EPB41L4A: variants seen among roughly 807,000 people sequenced by gnomAD.
EPB41L4A encodes band 4.1-like protein 4A.
A neutral mutation model predicts 108.6 loss-of-function variants in EPB41L4A; 100 were observed. The observed-to-expected ratio is 0.92, with a 90% CI of 0.78 to 1.09. The LOEUF is 1.09. Among genes scored for constraint, EPB41L4A ranks in the 50% least tolerant of loss-of-function variants. The pLI, the probability that EPB41L4A is intolerant of heterozygous loss-of-function variation, is 0.00. For synonymous variants in EPB41L4A, 319 were observed against 289.0 expected, an observed-to-expected ratio of 1.10 and a Z score of -1.05; for missense variants, 1,030 against 842.7, an observed-to-expected ratio of 1.22 and a Z score of -2.75.
chr5:112,387,416 G>A (rs1192390717), intron 1 of EPB41L4A, among the ~76,000 whole-genome samples: 10 of 152,170 alleles, frequency 6.6e-5, no homozygotes, highest in Non-Finnish European at 1.5e-5. Context: ...CACAGGGTCA[G>A]GAGATCGACA....
intron 15 of EPB41L4A, among the ~76,000 whole-genome samples, chr5:112,200,617 TAA>T (rs1762173677): frequency 1.3e-5 from 2 of 152,184 alleles, no homozygotes; most frequent in Admixed American, 1.3e-4. Flanking sequence ...TTTTTTAATG[TAA>T]AATTGAAAGC....
At chr5:112,307,772 ATTC>A (rs1439846484) in intron 1 of EPB41L4A, among the ~76,000 whole-genome samples, 3 of 152,168 alleles carry the variant, frequency 2.0e-5, no homozygotes, top group Non-Finnish European at 4.4e-5. Context: ...TCAGGACAAA[ATTC>A]TTCTTTTAAT....
intron 1 of EPB41L4A, among the ~76,000 whole-genome samples, chr5:112,369,365 C>T (rs368273740): frequency 9.2e-5 from 14 of 152,208 alleles, no homozygotes; most frequent in Non-Finnish European, 1.5e-4. Flanking sequence ...ACTTCCCTGA[C>T]GCAATCCAGC....
intron 18 of EPB41L4A, chr5:112,173,719 C>A (rs1301711805): frequency 6.6e-6 from 1 of 151,234 alleles, no homozygotes; most frequent in Admixed American, 6.6e-5. Context: ...TCTCGGCTCA[C>A]TGCAAGCTCC....
At chr5:112,212,317 G>A (rs1747228945) in intron 12 of EPB41L4A, among the ~76,000 whole-genome samples, 1 of 147,814 alleles carries the variant, frequency 6.8e-6, no homozygotes, top group Non-Finnish European at 1.5e-5. Flanking sequence ...TCCTGAGACA[G>A]AGTCTTGCTT....
intron 1 of EPB41L4A, among the ~76,000 whole-genome samples, chr5:112,331,162 C>T (rs979481205): frequency 2.0e-5 from 3 of 152,154 alleles, no homozygotes; most frequent in Non-Finnish European, 4.4e-5. Context: ...ACTCTCTGTG[C>T]CCAGCTTCCT....
intron 1 of EPB41L4A, among the ~76,000 whole-genome samples, chr5:112,413,054 C>T (rs1352080306): frequency 2.6e-5 from 4 of 152,106 alleles, no homozygotes; most frequent in African/African-American, 7.2e-5. Context: ...GTGAAACCAA[C>T]CAACATGGTT....
At chr5:112,275,193 C>T (rs554760728) in intron 4 of EPB41L4A, 133 bp downstream of exon 4, 9 of 1,138,662 alleles carry the variant, frequency 7.9e-6, no homozygotes, top group African/African-American at 1.6e-5. Context: ...TAAATTTTAC[C>T]CTCTAAGGAG....
At chr5:112,293,160 T>G (rs1346264500) in intron 2 of EPB41L4A, among the ~76,000 whole-genome samples, 2 of 152,188 alleles carry the variant, frequency 1.3e-5, no homozygotes, top group African/African-American at 4.8e-5. Flanking sequence ...CCTGATAGTT[T>G]TGTTATTAAG....
chr5:112,263,950 T>A (rs1295773957), intron 6 of EPB41L4A: 1 of 152,200 alleles, frequency 6.6e-6, no homozygotes, highest in African/African-American at 2.4e-5. Flanking sequence ...GTAACTGAGA[T>A]TACAGGCACA....
chr5:112,168,171 C>G (rs1021645087), intron 22 of EPB41L4A, among the ~76,000 whole-genome samples: 2 of 152,174 alleles, frequency 1.3e-5, no homozygotes, highest in Admixed American at 6.5e-5. Context: ...TGAAACTCTT[C>G]CTGAACTATG....
rs76531147 is a variant in EPB41L4A at position 112,399,272 on chromosome 5, C to T, written c.99+19669G>A. Reference sequence around the variant, plus strand: ...CTTGAACTTCTGCCTCCTGTCACCCCCATTCAGCCCAAACATCCCATTCTC... The same window carrying T: ...CTTGAACTTCTGCCTCCTGTCACCCTCATTCAGCCCAAACATCCCATTCTC... On this transcript the variant is annotated intron_variant, in intron 1 of 22. Transcript: ENST00000261486. 7.2e-3 allele frequency among the ~76,000 whole-genome samples: 1,097 copies of T among 152,208 alleles called. 14 individuals are homozygous for T. The highest frequency in any genetic ancestry group is 0.025 in the African/African-American group (1,048 of 41,520).
At position 112,411,809 on chromosome 5, in the gene EPB41L4A, G is replaced by A. The variant is rs555337347; in HGVS notation, c.99+7132C>T. 7.2e-5 allele frequency among the ~76,000 whole-genome samples: 11 copies of A among 152,294 alleles called. No homozygotes were observed. In the South Asian group the frequency reaches 2.3e-3, roughly 32 times the overall value. On this transcript the variant is annotated intron_variant, in intron 1 of 22. Coordinates refer to ENST00000261486, the MANE Select transcript of EPB41L4A (RefSeq NM_022140.5). ...AGTCAGGAGCAGCGAGGATGGCAGAGAAAAACCAATTTCGACAAGTCGCAA... is the reference window on the plus strand; with the variant it reads ...AGTCAGGAGCAGCGAGGATGGCAGAAAAAAACCAATTTCGACAAGTCGCAA...
chr5:112,202,223 C>G (rs1384790951), intron 15 of EPB41L4A, among the ~76,000 whole-genome samples: 1 of 152,100 alleles, frequency 6.6e-6, no homozygotes, highest in Non-Finnish European at 1.5e-5. Context: ...AAGAGTGGTC[C>G]CTGTCTAGCA....
intron 4 of EPB41L4A, among the ~76,000 whole-genome samples, chr5:112,267,244 G>A (rs1216542082): frequency 6.6e-6 from 1 of 152,084 alleles, no homozygotes. Flanking sequence ...ACTTCAGCCT[G>A]TCCTTTTGTG....
intron 12 of EPB41L4A, among the ~76,000 whole-genome samples, chr5:112,219,050 A>C (rs115641998): frequency 0.014 from 2,194 of 152,294 alleles, 42 homozygotes; most frequent in African/African-American, 0.05. Flanking sequence ...CAGTTAATAA[A>C]TTTCATCACA....
At chr5:112,226,788 A>C (rs1748484053) in intron 12 of EPB41L4A, among the ~76,000 whole-genome samples, 1 of 152,088 alleles carries the variant, frequency 6.6e-6, no homozygotes, top group Non-Finnish European at 1.5e-5. Flanking sequence ...ATAGAAACAA[A>C]GTAGAAAGAC....
At chr5:112,266,479 C>G (rs749476924) in intron 4 of EPB41L4A, 149 bp from the exon 5 acceptor site, 169 of 606,662 alleles carry the variant, frequency 2.8e-4, no homozygotes, top group Non-Finnish European at 4.4e-4. Context: ...GTTGAGTGAA[C>G]AGGAACTACT....
intron 4 of EPB41L4A, among the ~76,000 whole-genome samples, chr5:112,267,332 C>T (rs1751932811): frequency 6.6e-6 from 1 of 152,124 alleles, no homozygotes; most frequent in Admixed American, 6.5e-5. Flanking sequence ...TAATAATCAG[C>T]TATATTAAAT....
Sources: gnomAD v4.1 joint callset for allele counts (sites outside exome capture counted in the v4.1 genomes callset) on GRCh38, gnomAD v4.1.1 for gene constraint, MANE v1.5 for transcripts, NCBI Gene and HGNC (gene_info 2026-07-23, HGNC 2026-07-21) for gene names.